The following AKAP1 variants were observed in gnomAD, a reference collection of about 807,000 sequenced individuals.
The protein encoded by AKAP1 is A-kinase anchoring protein 1.
In AKAP1, 32 loss-of-function variants were observed where a neutral mutation model predicts 79.8. The observed-to-expected ratio is 0.40, with a 90% CI of 0.30 to 0.54. The LOEUF is 0.54. Among genes scored for constraint, AKAP1 ranks in the 20% least tolerant of loss-of-function variants. The pLI is 0.47. For synonymous variants in AKAP1, 416 were observed against 466.7 expected (o/e 0.89, Z 1.40); for missense variants, 961 against 1,138.9 (o/e 0.84, Z 2.25).
chr17:57,090,546 C>T (rs1913726300), intron 1 of AKAP1, among the ~76,000 whole-genome samples: 1 of 151,164 alleles, frequency 6.6e-6, no homozygotes, highest in Non-Finnish European at 1.5e-5. Context: ...ATCACCACAT[C>T]CTCATTCAGG....
intron 1 of AKAP1, among the ~76,000 whole-genome samples, chr17:57,100,270 T>A (rs762926049): frequency 3.9e-5 from 6 of 152,094 alleles, no homozygotes; most frequent in Non-Finnish European, 7.4e-5. Flanking sequence ...GATTGCCTAG[T>A]TAATAAGGAA....
Position 57,107,066 on chromosome 17 carries a change from G to A in AKAP1, c.1602G>A (p.Pro534=), listed in dbSNP as rs372374542. ...SSSPRDKAIT[P]PLPESTVPFS... Reference sequence around the variant, plus strand: ...GCCCCAGGGACAAGGCCATCACCCCGCCACTGCCAGAAAGTACTGTGCCCT... The same window carrying A: ...GCCCCAGGGACAAGGCCATCACCCCACCACTGCCAGAAAGTACTGTGCCCT... Residue 534 remains proline (P), a synonymous_variant, in exon 2 of 11, where the codon CCG becomes CCA. Coordinates refer to ENST00000337714, the MANE Select transcript of AKAP1 (RefSeq NM_003488.4). The A allele has an allele frequency of 2.5e-5, 41 of 1,614,144 alleles. No homozygotes were observed. The highest frequency in any genetic ancestry group is 8.9e-5 in the East Asian group (4 of 44,884).
intron 8 of AKAP1, 111 bp downstream of exon 8, chr17:57,117,038 A>G (rs1915630392): frequency 2.6e-6 from 3 of 1,140,532 alleles, no homozygotes; most frequent in Non-Finnish European, 2.6e-6. Flanking sequence ...ATAAGTTGCT[A>G]CCACTCAAGA....
intron 1 of AKAP1, among the ~76,000 whole-genome samples, chr17:57,099,587 T>G (rs1303830447): frequency 6.6e-6 from 1 of 152,106 alleles, no homozygotes; most frequent in Non-Finnish European, 1.5e-5. Flanking sequence ...GAAACCATGT[T>G]TTCCAGGCAG....
Position 57,105,426 on chromosome 17 carries a change from T to G in AKAP1, c.-24-15T>G, listed in dbSNP as rs1914784249. On this transcript the variant is annotated splice_polypyrimidine_tract_variant and intron_variant, in intron 1 of 10. Coordinates refer to ENST00000337714, the MANE Select transcript of AKAP1 (RefSeq NM_003488.4). ...TCTGTAACATCCCTCCTCCCCGCTC[T>G]CCTGCTCTCCCCAGGTGTAATTACT... 1.2e-6 allele frequency: 2 copies of G among 1,605,264 alleles called. No homozygotes were observed. The highest frequency in any genetic ancestry group is 1.7e-5 in the Admixed American group (1 of 58,964).
chr17:57,089,178 T>C (rs369296991), intron 1 of AKAP1, among the ~76,000 whole-genome samples: 2 of 152,258 alleles, frequency 1.3e-5, no homozygotes, highest in East Asian at 1.9e-4. Context: ...ATTATGGTCC[T>C]GGGAGCCTTG....
chr17:57,116,362 C>T, intron 7 of AKAP1, 101 bp downstream of exon 7: 1 of 1,445,558 alleles, frequency 6.9e-7, no homozygotes, highest in African/African-American at 1.4e-5. Flanking sequence ...GTGAGGGTTA[C>T]TTCTTCCCTC....
chr17:57,110,294 G>A (rs1175817340), intron 3 of AKAP1, 136 bp downstream of exon 3: 19 of 1,199,378 alleles, frequency 1.6e-5, no homozygotes, highest in East Asian at 7.4e-5. Context: ...GCCAAAGGCC[G>A]CAGGGAAAGG....
In AKAP1 at chr17:57,086,524, G is replaced by A. The variant is rs1440320004; in HGVS notation, c.-25+1126G>A. 4.5e-6 allele frequency: 2 copies of A among 445,546 alleles called. No individual in the cohort carries two copies. Among genetic ancestry groups the A allele is most frequent in the Non-Finnish European group, 9.0e-6 (2 of 222,596 alleles). The allele number at this position is 445,546 out of a possible 1,614,324, so 27.6% of individuals were successfully genotyped here. ...CTGCCGCCGTTAACACAAACCCGGT[G>A]GACTTCGCTCCAGGTGCGAGTCGAG... On this transcript the variant is annotated intron_variant, in intron 1 of 10. Coordinates refer to ENST00000337714, the MANE Select transcript of AKAP1 (RefSeq NM_003488.4). The surrounding 1 kb of genome is among the most constrained non-coding windows in gnomAD (Gnocchi z 5.1).
Position 57,111,190 on chromosome 17 carries a change from C to T in AKAP1, c.1849-608C>T, listed in dbSNP as rs147817968. On this transcript the variant is annotated intron_variant, in intron 3 of 10. Transcript: ENST00000337714. ...GGCGGTTGTGTGGGAGCCCATCTTA[C>T]GTAAGGGCTAAGTTTGGCTGCTTCT... 5.4e-3 allele frequency among the ~76,000 whole-genome samples: 829 copies of T among 152,338 alleles called. 4 individuals carry two copies. The highest frequency in any genetic ancestry group is 7.2e-3 in the Non-Finnish European group (491 of 68,040).
chr17:57,106,424 TGAG>T lies in AKAP1; in HGVS notation c.965_967del (p.Glu322del), dbSNP rs775526941. 2 of 1,481,928 alleles carry T rather than the reference TGAG, an allele frequency of 1.3e-6. No homozygotes were observed. The highest frequency in any genetic ancestry group is 1.1e-5 in the South Asian group (1 of 87,082). The allele number at this position is 1,481,928 out of a possible 1,614,324, so 91.8% of individuals were successfully genotyped here. On this transcript the variant is annotated inframe_deletion, in exon 2 of 11. Coordinates refer to ENST00000337714, the MANE Select transcript of AKAP1 (RefSeq NM_003488.4). ...GAAATGAGGAGGGCTTGGATAGAAA[TGAG>T]GAGGGCTTGGATAGAAATGAGGAGA...
At chr17:57,103,749 G>T (rs555754489) in intron 1 of AKAP1, among the ~76,000 whole-genome samples, 110 of 152,314 alleles carry the variant, frequency 7.2e-4, no homozygotes, top group Middle Eastern at 3.4e-3. Context: ...TTGAATGTAA[G>T]TGTTCTAGAA....
At chr17:57,110,649 CTT>C (rs1474979783) in intron 3 of AKAP1, among the ~76,000 whole-genome samples, 3 of 152,184 alleles carry the variant, frequency 2.0e-5, no homozygotes, top group East Asian at 1.9e-4. Flanking sequence ...CTGTGAAAGA[CTT>C]TTATTTCCTT....
At chr17:57,112,361 G>T in intron 4 of AKAP1, 130 bp from the exon 5 acceptor site, 1 of 1,093,632 alleles carries the variant, frequency 9.1e-7, no homozygotes, top group Admixed American at 2.6e-5. Context: ...TAAGTGTTTT[G>T]TTACCTCAAA....
At position 57,086,335 on chromosome 17, in the gene AKAP1, T is replaced by G; in HGVS notation, c.-25+937T>G. ...GCGGGCTTTCTGGCGTTCAACTCTT[T>G]TGTGCCCTAGCTGAAGGTCTTCCTG... On this transcript the variant is annotated intron_variant, in intron 1 of 10. Coordinates refer to ENST00000337714, the MANE Select transcript of AKAP1 (RefSeq NM_003488.4). The surrounding 1 kb of genome is among the most constrained non-coding windows in gnomAD (Gnocchi z 5.1). 2.3e-6 allele frequency: 1 copy of G among 436,216 alleles called. No homozygotes were observed. Among genetic ancestry groups the G allele is most frequent in the Non-Finnish European group, 4.6e-6 (1 of 218,962 alleles). The allele number at this position is 436,216 out of a possible 1,614,324, so 27.0% of individuals were successfully genotyped here.
At chr17:57,105,362 T>G (rs1053977138) in intron 1 of AKAP1, 79 bp from the exon 2 acceptor site, 1 of 1,373,212 alleles carries the variant, frequency 7.3e-7, no homozygotes, top group Admixed American at 1.7e-5. Flanking sequence ...CCCTGTTGAC[T>G]GTCTTGCATG....
intron 1 of AKAP1, among the ~76,000 whole-genome samples, chr17:57,087,252 C>T (rs1913516371): frequency 2.0e-5 from 3 of 152,156 alleles, no homozygotes; most frequent in African/African-American, 7.2e-5. Context: ...ATGAGTGAGA[C>T]AGGTCTAATG....
At chr17:57,107,725 C>T (rs1221164235) in intron 2 of AKAP1, among the ~76,000 whole-genome samples, 1 of 151,844 alleles carries the variant, frequency 6.6e-6, no homozygotes, top group Non-Finnish European at 1.5e-5. Flanking sequence ...GCTTTACTTC[C>T]CTTGAGTGCC....
chr17:57,095,039 AGGACACTGGCACCC>A, intron 1 of AKAP1: 1 of 152,254 alleles, frequency 6.6e-6, no homozygotes, highest in Non-Finnish European at 1.5e-5. Context: ...TTCTAGTCTG[AGGACACTGGCACCC>A]CATTTTCTGT....
Sources: allele counts gnomAD v4.1 joint callset (sites outside exome capture counted in the v4.1 genomes callset), GRCh38; gene constraint gnomAD v4.1.1; non-coding constraint Gnocchi (gnomAD v3.1); transcripts MANE v1.5; gene names NCBI Gene and HGNC (gene_info 2026-07-23, HGNC 2026-07-21).